RHOBTB1: variants seen among roughly 807,000 people sequenced by gnomAD.
The protein encoded by RHOBTB1 is Rho related BTB domain containing 1, also known as rho-related BTB domain-containing protein 1.
Under a neutral mutation model 71.6 loss-of-function variants are expected in RHOBTB1, and 40 were observed. That is an observed-to-expected ratio of 0.56 (90% CI 0.43 to 0.73). The LOEUF is 0.73. Ranked by LOEUF, RHOBTB1 falls within the 30% of genes least tolerant of loss-of-function variation. The pLI is 0.00. For missense variants in RHOBTB1, 797 were observed against 894.0 expected (o/e 0.89, Z 1.38); for synonymous variants, 319 against 334.9 (o/e 0.95, Z 0.52).
At chr10:60,969,300 A>G (rs1237339593) in intron 2 of RHOBTB1, among the ~76,000 whole-genome samples, 1 of 152,130 alleles carries the variant, frequency 6.6e-6, no homozygotes, top group East Asian at 1.9e-4. Context: ...TTCAGGTGTC[A>G]CTCTGATATA....
rs904782690 is a variant in RHOBTB1 at position 60,871,362 on chromosome 10, A to G, written c.*120T>C. ...AAATGCACAAAAGTGGAGGAAGATCAGTGCCCGAAACCTGAACTATGTCGT... is the reference window on the plus strand; with the variant it reads ...AAATGCACAAAAGTGGAGGAAGATCGGTGCCCGAAACCTGAACTATGTCGT... On this transcript the variant is annotated 3_prime_UTR_variant, in exon 11 of 11. Transcript: ENST00000337910. 1.6e-5 allele frequency: 15 copies of G among 914,122 alleles called. No individual in the cohort carries two copies. Among genetic ancestry groups the G allele is most frequent in the Non-Finnish European group, 2.5e-5 (15 of 608,990 alleles). 56.6% of individuals were successfully genotyped at this position (914,122 alleles called of 1,614,324 possible).
chr10:60,957,154 T>C (rs2085623657), intron 2 of RHOBTB1, among the ~76,000 whole-genome samples: 1 of 152,176 alleles, frequency 6.6e-6, no homozygotes, highest in Non-Finnish European at 1.5e-5. Context: ...TGTTTGACAC[T>C]TAACTTAAAA....
At chr10:60,960,611 T>C (rs2085745987) in intron 2 of RHOBTB1, among the ~76,000 whole-genome samples, 1 of 152,212 alleles carries the variant, frequency 6.6e-6, no homozygotes, top group African/African-American at 2.4e-5. Context: ...GGGTTTAAGT[T>C]ATATTCCTCT....
At chr10:60,894,341 C>T (rs1270690341) in intron 4 of RHOBTB1, among the ~76,000 whole-genome samples, 2 of 151,990 alleles carry the variant, frequency 1.3e-5, no homozygotes, top group Non-Finnish European at 2.9e-5. Flanking sequence ...AAGAGAGGAC[C>T]TAGGACTTAA....
intron 7 of RHOBTB1, among the ~76,000 whole-genome samples, chr10:60,883,327 C>G (rs1214632455): frequency 1.3e-5 from 2 of 152,232 alleles, no homozygotes; most frequent in Non-Finnish European, 2.9e-5. Context: ...ATCAAACAAC[C>G]ATATACATGT....
chr10:60,897,788 C>A (rs950235755), intron 4 of RHOBTB1, among the ~76,000 whole-genome samples: 2 of 152,076 alleles, frequency 1.3e-5, no homozygotes, highest in Admixed American at 6.5e-5. Flanking sequence ...CTCACTGCAA[C>A]CTCCACCTCC....
At chr10:60,990,424 A>C (rs1241322499) in intron 1 of RHOBTB1, among the ~76,000 whole-genome samples, 1 of 152,220 alleles carries the variant, frequency 6.6e-6, no homozygotes, top group Admixed American at 6.5e-5. Flanking sequence ...GAACACGTAA[A>C]ATACTCTCAA....
At chr10:60,952,343 A>G (rs2085441815) in intron 2 of RHOBTB1, among the ~76,000 whole-genome samples, 1 of 152,164 alleles carries the variant, frequency 6.6e-6, no homozygotes, top group Non-Finnish European at 1.5e-5. Flanking sequence ...CATGATAATA[A>G]TAAACACCAA....
At chr10:60,994,121 G>T (rs1311679179) in intron 1 of RHOBTB1, among the ~76,000 whole-genome samples, 1 of 152,060 alleles carries the variant, frequency 6.6e-6, no homozygotes, top group Non-Finnish European at 1.5e-5. Context: ...ACCATATCCT[G>T]ATCTTTATTA....
chr10:60,900,343 T>C (rs1448166059), intron 4 of RHOBTB1, among the ~76,000 whole-genome samples: 1 of 152,192 alleles, frequency 6.6e-6, no homozygotes, highest in Non-Finnish European at 1.5e-5. Flanking sequence ...TGGAAGTGGC[T>C]GCATTCTGTA....
chr10:60,862,111 CCTCT>C, the RHOBTB1 span, among the ~76,000 whole-genome samples: 4 of 151,476 alleles, frequency 2.6e-5, no homozygotes, highest in South Asian at 2.1e-4. Flanking sequence ...TTCCTTCCTT[CCTCT>C]CTTTCTTCTC....
intron 2 of RHOBTB1, among the ~76,000 whole-genome samples, chr10:60,965,128 G>T (rs984886948): frequency 6.6e-6 from 1 of 151,990 alleles, no homozygotes; most frequent in African/African-American, 2.4e-5. Context: ...TATGTTAGGG[G>T]TTGTACATAT....
At chr10:60,904,807 T>C (rs948715376) in intron 4 of RHOBTB1, among the ~76,000 whole-genome samples, 4 of 152,226 alleles carry the variant, frequency 2.6e-5, no homozygotes, top group African/African-American at 9.6e-5. Flanking sequence ...TTTCTATCTC[T>C]TGGTTCAAAT....
chr10:60,975,263 G>C (rs1219822594), intron 2 of RHOBTB1, among the ~76,000 whole-genome samples: 1 of 152,014 alleles, frequency 6.6e-6, no homozygotes, highest in Non-Finnish European at 1.5e-5. Context: ...AATGGCTGGT[G>C]TTTTTAGGCC....
chr10:60,915,707 T>C (rs909052067), intron 2 of RHOBTB1, among the ~76,000 whole-genome samples: 1 of 152,194 alleles, frequency 6.6e-6, no homozygotes, highest in African/African-American at 2.4e-5. Flanking sequence ...TAGAAAAGCG[T>C]GATCATGCTC....
intron 2 of RHOBTB1, among the ~76,000 whole-genome samples, chr10:60,952,168 CAAAGCTGGAATTTT>C (rs1251871712): frequency 1.3e-5 from 2 of 150,972 alleles, no homozygotes; most frequent in Non-Finnish European, 2.9e-5. Context: ...ATGATTTATG[CAAAGCTGGAATTTT>C]AAAGCTGGAA....
At chr10:60,960,106 G>C (rs1178536444) in intron 2 of RHOBTB1, among the ~76,000 whole-genome samples, 3 of 152,162 alleles carry the variant, frequency 2.0e-5, no homozygotes, top group African/African-American at 2.4e-5. Flanking sequence ...GGTACTGTAA[G>C]AAGCTTTATA....
At chr10:60,925,940 C>T (rs557305391) in intron 2 of RHOBTB1, among the ~76,000 whole-genome samples, 5 of 152,198 alleles carry the variant, frequency 3.3e-5, no homozygotes, top group African/African-American at 7.2e-5. Context: ...AAATAAATGG[C>T]CAGGACATAG....
At chr10:60,889,399 T>C (rs2132661036) in intron 5 of RHOBTB1, among the ~76,000 whole-genome samples, 1 of 152,356 alleles carries the variant, frequency 6.6e-6, no homozygotes. Flanking sequence ...AGAGTTTCAA[T>C]GCACATAATT....
Sources: allele counts gnomAD v4.1 joint callset (sites outside exome capture counted in the v4.1 genomes callset), GRCh38; gene constraint gnomAD v4.1.1; transcripts MANE v1.5; gene names NCBI Gene and HGNC (gene_info 2026-07-23, HGNC 2026-07-21).